MAP3K1: variants seen among roughly 807,000 people sequenced by gnomAD.
The protein encoded by MAP3K1 is mitogen-activated protein kinase kinase kinase 1.
A neutral mutation model predicts 144.2 loss-of-function variants in MAP3K1; 36 were observed. The observed-to-expected ratio is 0.25, with a 90% confidence interval of 0.19 to 0.33. The LOEUF is 0.33. MAP3K1 is among the 10% of genes least tolerant of loss of function. The pLI, the probability that MAP3K1 is intolerant of heterozygous loss-of-function variation, is 1.00. For synonymous variants in MAP3K1, 718 were observed against 688.7 expected (o/e 1.04, Z -0.67); for missense variants, 1,650 against 1,881.9 (o/e 0.88, Z 2.28).
intron 2 of MAP3K1, among the ~76,000 whole-genome samples, chr5:56,857,540 G>T (rs948085108): frequency 6.6e-6 from 1 of 152,096 alleles, no homozygotes; most frequent in Non-Finnish European, 1.5e-5. Context: ...TTTGACAAGG[G>T]TCTAAATACA....
In MAP3K1 at chr5:56,882,607, T is replaced by C. The variant is rs540022642; in HGVS notation, c.3407T>C (p.Leu1136Pro). ...TELNSSIEDL[L>P]EASMPSSDTT... ...CTCAACTCCAGTATTGAGGACCTTC[T>C]TGAAGCATCTATGCCTTCAAGTGAT... Residue 1136 changes from leucine (L) to proline (P), a missense_variant, in exon 14 of 20, where the codon CTT becomes CCT. Coordinates refer to ENST00000399503, the MANE Select transcript of MAP3K1 (RefSeq NM_005921.2). 1.2e-6 allele frequency: 2 copies of C among 1,614,166 alleles called. No homozygotes were observed. The highest frequency in any genetic ancestry group is 1.7e-6 in the Non-Finnish European group (2 of 1,180,010).
intron 1 of MAP3K1, among the ~76,000 whole-genome samples, chr5:56,850,812 T>C (rs947287934): frequency 3.9e-5 from 6 of 152,256 alleles, no homozygotes; most frequent in African/African-American, 1.2e-4. Flanking sequence ...GCATGTAATA[T>C]AATTTTTCTG....
intron 6 of MAP3K1, 45 bp from the exon 7 acceptor site, chr5:56,871,860 CTACTT>C: frequency 6.3e-7 from 1 of 1,583,782 alleles, no homozygotes; most frequent in African/African-American, 1.3e-5. Flanking sequence ...CATATCCGTT[CTACTT>C]TATATTCTTT....
intron 6 of MAP3K1, among the ~76,000 whole-genome samples, chr5:56,868,901 TACA>T (rs979355888): frequency 1.3e-5 from 2 of 152,078 alleles, no homozygotes; most frequent in African/African-American, 2.4e-5. Flanking sequence ...GGAAGTGTGC[TACA>T]ACATGGATGA....
At chr5:56,881,293 G>A (rs753556493) in intron 13 of MAP3K1, 21 bp downstream of exon 13, 16 of 1,589,598 alleles carry the variant, frequency 1.0e-5, no homozygotes, top group Admixed American at 6.7e-5. Flanking sequence ...TTCTGAAAAT[G>A]TATTACTTGT....
intron 6 of MAP3K1, among the ~76,000 whole-genome samples, chr5:56,870,715 T>C (rs1747825581): frequency 6.6e-6 from 1 of 152,186 alleles, no homozygotes; most frequent in Non-Finnish European, 1.5e-5. Flanking sequence ...AATTACATAC[T>C]TTTTTCTTTT....
intron 1 of MAP3K1, among the ~76,000 whole-genome samples, chr5:56,841,527 C>G (rs1378296774): frequency 6.6e-6 from 1 of 152,090 alleles, no homozygotes; most frequent in Non-Finnish European, 1.5e-5. Flanking sequence ...CATTCAAAAA[C>G]ATGGAGAGCC....
Position 56,887,433 on chromosome 5 carries a change from A to C in MAP3K1, c.4170A>C (p.Gly1390=). The C allele has an allele frequency of 6.2e-7, 1 of 1,614,142 alleles. No individual in the cohort carries two copies. The highest frequency in any genetic ancestry group is 1.7e-5 in the Admixed American group (1 of 60,016). The part of the protein sequence containing the change: ...TGQRLRIADF[G]AAARLASKGT... Reference sequence around the variant, plus strand: ...AGAGACTAAGAATTGCAGATTTTGGAGCTGCAGCCAGGTTGGCATCAAAAG... The same window carrying C: ...AGAGACTAAGAATTGCAGATTTTGGCGCTGCAGCCAGGTTGGCATCAAAAG... Residue 1390 remains glycine (G), a synonymous_variant, in exon 18 of 20, where the codon GGA becomes GGC. Transcript: ENST00000399503.
At chr5:56,835,524 G>C (rs992326277) in intron 1 of MAP3K1, among the ~76,000 whole-genome samples, 1 of 152,114 alleles carries the variant, frequency 6.6e-6, no homozygotes, top group Non-Finnish European at 1.5e-5. Flanking sequence ...GATGCTGCTG[G>C]TTGAGGGCTA....
chr5:56,828,926 T>C (rs1049845577), intron 1 of MAP3K1, among the ~76,000 whole-genome samples: 1 of 152,158 alleles, frequency 6.6e-6, no homozygotes, highest in African/African-American at 2.4e-5. Flanking sequence ...AACAATCATA[T>C]TGCTTCCTAA....
chr5:56,866,655 A>T (rs1194341525), intron 6 of MAP3K1, among the ~76,000 whole-genome samples: 2 of 152,174 alleles, frequency 1.3e-5, no homozygotes, highest in Non-Finnish European at 2.9e-5. Context: ...CCAGTTTGAG[A>T]AGCATTGTTC....
intron 1 of MAP3K1, among the ~76,000 whole-genome samples, chr5:56,830,447 G>C (rs1390806977): frequency 6.6e-6 from 1 of 151,850 alleles, no homozygotes; most frequent in Non-Finnish European, 1.5e-5. Flanking sequence ...TGCATATACA[G>C]GTCTTTCTAA....
At chr5:56,877,520 ATT>A (rs35084924) in intron 10 of MAP3K1, among the ~76,000 whole-genome samples, 94,145 of 136,236 alleles carry the variant, frequency 0.69, 32,036 homozygotes, top group Non-Finnish European at 0.72. Flanking sequence ...TGCATATATA[ATT>A]TTTTTTTTTT....
At chr5:56,828,920 A>G (rs1400386620) in intron 1 of MAP3K1, among the ~76,000 whole-genome samples, 1 of 152,150 alleles carries the variant, frequency 6.6e-6, no homozygotes, top group Non-Finnish European at 1.5e-5. Context: ...CTTGGTAACA[A>G]TCATATTGCT....
chr5:56,881,037 A>T (rs2111938150), intron 12 of MAP3K1, 46 bp from the exon 13 acceptor site: 1 of 1,460,914 alleles, frequency 6.8e-7, no homozygotes, highest in South Asian at 1.2e-5. Context: ...TTTAGATTTT[A>T]ATATCACTAT....
At position 56,882,269 on chromosome 5, in the gene MAP3K1, C is replaced by T; in HGVS notation, c.3069C>T (p.Arg1023=). 2 of 1,614,120 alleles carry T rather than the reference C, an allele frequency of 1.2e-6. No individual in the cohort carries two copies. Among genetic ancestry groups the T allele is most frequent in the East Asian group, 2.2e-5 (1 of 44,872 alleles). Residue 1023 remains arginine (R), a synonymous_variant, in exon 14 of 20, where the codon CGC becomes CGT. Transcript: ENST00000399503. ...CTTCTGCATCTCCTCAAACACAGCG[C>T]AAGTTTTCTCTACAATTCCACAGAA... The part of the protein sequence containing the change: ...RIPSASPQTQ[R]KFSLQFHRNC...
At chr5:56,845,530 G>A (rs1279177769) in intron 1 of MAP3K1, among the ~76,000 whole-genome samples, 3 of 149,968 alleles carry the variant, frequency 2.0e-5, no homozygotes, top group African/African-American at 5.1e-5. Context: ...CTAGTGTAAC[G>A]TCTCTCTAGG....
Position 56,893,914 on chromosome 5 carries a change from G to A in MAP3K1, c.*234G>A, listed in dbSNP as rs1162416810. ...GTAAACTGTGCCTTTCAAAGAACTG[G>A]CCCTAGGTGAACAGGAAAACAATGA... On this transcript the variant is annotated 3_prime_UTR_variant, in exon 20 of 20. Transcript: ENST00000399503. 1.8e-6 allele frequency: 1 copy of A among 553,552 alleles called. No individual in the cohort carries two copies. The highest frequency in any genetic ancestry group is 1.9e-5 in the African/African-American group (1 of 53,064). 34.3% of individuals were successfully genotyped at this position (553,552 alleles called of 1,614,324 possible).
At chr5:56,864,408 C>T (rs1388487010) in intron 3 of MAP3K1, among the ~76,000 whole-genome samples, 8 of 146,876 alleles carry the variant, frequency 5.4e-5, no homozygotes, top group East Asian at 2.0e-4. Flanking sequence ...GATGGAGCCT[C>T]GCTCTGTTGC....
Sources: gnomAD v4.1 joint callset for allele counts (sites outside exome capture counted in the v4.1 genomes callset) on GRCh38, gnomAD v4.1.1 for gene constraint, MANE v1.5 for transcripts, NCBI Gene and HGNC (gene_info 2026-07-23, HGNC 2026-07-21) for gene names.